The following ACTR3B variants were observed in gnomAD, a reference collection of about 807,000 sequenced individuals.
ACTR3B encodes actin related protein 3B.
Under a neutral mutation model 59.0 loss-of-function variants are expected in ACTR3B, and 8 were observed. The ratio of observed to expected loss-of-function variants is 0.14; its 90% CI spans 0.08 to 0.24. ACTR3B has a LOEUF of 0.24. ACTR3B is among the 10% of genes least tolerant of loss of function. ACTR3B has a pLI of 1.00. For missense variants in ACTR3B, 245 were observed against 552.3 expected, an observed-to-expected ratio of 0.44 and a Z score of 5.58; for synonymous variants, 148 against 197.9, an observed-to-expected ratio of 0.75 and a Z score of 2.12.
chr7:152,821,167 C>T (rs1477187122), intron 7 of ACTR3B, among the ~76,000 whole-genome samples: 3 of 152,072 alleles, frequency 2.0e-5, no homozygotes, highest in Admixed American at 6.5e-5. Context: ...AGACGTGGTC[C>T]CTTCCATCTC....
intron 9 of ACTR3B, among the ~76,000 whole-genome samples, chr7:152,842,101 A>G (rs1396295161): frequency 6.6e-6 from 1 of 152,198 alleles, no homozygotes; most frequent in Non-Finnish European, 1.5e-5. Context: ...GAAGTTTCAT[A>G]TACAGGAGTC....
Position 152,796,450 on chromosome 7 carries a change from A to G in ACTR3B, c.101-4081A>G, listed in dbSNP as rs560772335. On this transcript the variant is annotated intron_variant, in intron 2 of 11. Coordinates refer to ENST00000256001, the MANE Select transcript of ACTR3B (RefSeq NM_020445.6). ...TAGATAATATTGTTTATTGAGTACT[A>G]TTCTCTACCACAGTCTCTGCTAAAC... 3.9e-3 allele frequency among the ~76,000 whole-genome samples: 563 copies of G among 145,400 alleles called. 4 individuals are homozygous for G. The South Asian group carries it at 0.039, about 10-fold the overall frequency.
chr7:152,775,819 G>T (rs1177881527), intron 1 of ACTR3B, among the ~76,000 whole-genome samples: 2 of 152,116 alleles, frequency 1.3e-5, no homozygotes, highest in Admixed American at 1.3e-4. Context: ...AGAAGCATTG[G>T]AAAGATACAC....
At chr7:152,780,765 G>T (rs1191806020) in intron 1 of ACTR3B, among the ~76,000 whole-genome samples, 2 of 151,590 alleles carry the variant, frequency 1.3e-5, no homozygotes, top group Non-Finnish European at 2.9e-5. Context: ...ACTGTCCATG[G>T]TGCACAGTGG....
At chr7:152,805,821 G>C (rs1481526973) in intron 4 of ACTR3B, among the ~76,000 whole-genome samples, 6 of 152,102 alleles carry the variant, frequency 3.9e-5, no homozygotes, top group Admixed American at 6.5e-5. Flanking sequence ...CTCCTATCTC[G>C]CTTCCTTGAG....
chr7:152,842,875 G>C (rs1797977818), intron 9 of ACTR3B, among the ~76,000 whole-genome samples: 1 of 152,224 alleles, frequency 6.6e-6, no homozygotes, highest in Non-Finnish European at 1.5e-5. Context: ...CAGTGTACAA[G>C]AGTTGCAGTT....
chr7:152,781,705 A>G (rs1309662767), intron 1 of ACTR3B, among the ~76,000 whole-genome samples: 1 of 152,168 alleles, frequency 6.6e-6, no homozygotes, highest in African/African-American at 2.4e-5. Flanking sequence ...ATATAATTCC[A>G]GAAATATGTT....
At chr7:152,818,981 T>G (rs1795936162) in intron 6 of ACTR3B, among the ~76,000 whole-genome samples, 1 of 152,262 alleles carries the variant, frequency 6.6e-6, no homozygotes, top group African/African-American at 2.4e-5. Flanking sequence ...GTATCTTGTT[T>G]TAATATTTTT....
At chr7:152,780,331 C>T (rs1385187520) in intron 1 of ACTR3B, among the ~76,000 whole-genome samples, 2 of 121,226 alleles carry the variant, frequency 1.6e-5, no homozygotes, top group African/African-American at 6.4e-5. Flanking sequence ...CTAGCCTGCT[C>T]GAAAGAGCGA....
At chr7:152,851,812 T>C (rs1425235664) in intron 9 of ACTR3B, among the ~76,000 whole-genome samples, 2 of 152,080 alleles carry the variant, frequency 1.3e-5, no homozygotes, top group African/African-American at 4.8e-5. Context: ...CTGGACAGTT[T>C]CTGTTGTTTG....
At chr7:152,796,860 G>GTTTTTTT (rs779909545) in intron 2 of ACTR3B, among the ~76,000 whole-genome samples, 36 of 54,752 alleles carry the variant, frequency 6.6e-4, no homozygotes, top group South Asian at 1.9e-3. Flanking sequence ...TAGTTTTTGT[G>GTTTTTTT]TTTTTTTTTT....
chr7:152,821,545 A>C (rs1387638598), intron 7 of ACTR3B, among the ~76,000 whole-genome samples: 1 of 151,612 alleles, frequency 6.6e-6, no homozygotes. Context: ...AGTCCTCCCT[A>C]TTTCCGCCAG....
intron 1 of ACTR3B, among the ~76,000 whole-genome samples, chr7:152,763,487 A>T (rs1260792286): frequency 6.6e-6 from 1 of 151,562 alleles, no homozygotes; most frequent in Non-Finnish European, 1.5e-5. Context: ...GCAGTGGCAC[A>T]ATCTCTGCTC....
chr7:152,770,107 T>C (rs1357783281), intron 1 of ACTR3B, among the ~76,000 whole-genome samples: 2 of 152,020 alleles, frequency 1.3e-5, no homozygotes, highest in African/African-American at 4.8e-5. Context: ...AAAGATTCTT[T>C]AATAGTTTAT....
intron 4 of ACTR3B, among the ~76,000 whole-genome samples, chr7:152,804,707 G>T (rs561626737): frequency 6.6e-6 from 1 of 152,352 alleles, no homozygotes; most frequent in East Asian, 1.9e-4. Context: ...ATACAGCTCT[G>T]AGTCAGTGGG....
At chr7:152,815,852 G>T (rs2116828947) in intron 5 of ACTR3B, among the ~76,000 whole-genome samples, 1 of 152,122 alleles carries the variant, frequency 6.6e-6, no homozygotes, top group Non-Finnish European at 1.5e-5. Context: ...CCCCACGCCG[G>T]AAACCAATGA....
chr7:152,829,994 A>G (rs145019140), intron 9 of ACTR3B, among the ~76,000 whole-genome samples: 1 of 152,248 alleles, frequency 6.6e-6, no homozygotes, highest in Non-Finnish European at 1.5e-5. Flanking sequence ...AGCTTATAAA[A>G]AAGCTAAAAA....
At chr7:152,770,784 A>G (rs62494302) in intron 1 of ACTR3B, among the ~76,000 whole-genome samples, 45,514 of 112,596 alleles carry the variant, frequency 0.4, 7,350 homozygotes, top group Non-Finnish European at 0.5. Context: ...TAAGCATGGC[A>G]ACGAGTTGTT....
chr7:152,854,307 T>C lies in ACTR3B; in HGVS notation c.1162-151T>C, dbSNP rs1799083282. The C allele has an allele frequency of 1.2e-5, 8 of 666,120 alleles. No individual in the cohort carries two copies. Among genetic ancestry groups the C allele is most frequent in the Admixed American group, 1.0e-4 (4 of 39,126 alleles). 41.3% of individuals were successfully genotyped at this position (666,120 alleles called of 1,614,324 possible). A position where few individuals can be genotyped will look rare whatever the true frequency, so the allele number is the denominator to read the frequency against. On this transcript the variant is annotated intron_variant, in intron 11 of 11. Coordinates refer to ENST00000256001, the MANE Select transcript of ACTR3B (RefSeq NM_020445.6). The surrounding 1 kb of genome is among the most constrained non-coding windows in gnomAD (Gnocchi z 4.9). ...TGAAATAACTCCCCATTTAGTAGTTTAGTACATCAGAGAGGTAAAATCTTG... is the reference window on the plus strand; with the variant it reads ...TGAAATAACTCCCCATTTAGTAGTTCAGTACATCAGAGAGGTAAAATCTTG...
Sources: gnomAD v4.1 joint callset for allele counts (sites outside exome capture counted in the v4.1 genomes callset) on GRCh38, gnomAD v4.1.1 for gene constraint, Gnocchi (gnomAD v3.1) non-coding constraint, MANE v1.5 for transcripts, NCBI Gene and HGNC (gene_info 2026-07-23, HGNC 2026-07-21) for gene names.